NIPBL: variants seen among roughly 807,000 people sequenced by gnomAD.
The protein encoded by NIPBL is nipped-B-like protein.
A neutral mutation model predicts 321.8 loss-of-function variants in NIPBL; 19 were observed. That is an observed-to-expected ratio of 0.06 (90% CI 0.04 to 0.09). The LOEUF (loss-of-function observed/expected upper bound fraction) is 0.09. Ranked by LOEUF, NIPBL falls within the 10% of genes least tolerant of loss-of-function variation. NIPBL has a pLI of 1.00. For synonymous variants in NIPBL, 1,106 were observed against 1,114.1 expected (o/e 0.99, Z 0.14); for missense variants, 2,210 against 3,327.0 (o/e 0.66, Z 8.26).
intron 32 of NIPBL, among the ~76,000 whole-genome samples, chr5:37,031,404 A>G (rs182086823): frequency 2.1e-3 from 314 of 152,136 alleles, no homozygotes; most frequent in Non-Finnish European, 1.8e-3. Flanking sequence ...AGGTCCTCAC[A>G]TTTTTTTTAT....
chr5:36,977,398 C>T (rs1040992242), intron 9 of NIPBL, among the ~76,000 whole-genome samples: 1 of 151,692 alleles, frequency 6.6e-6, no homozygotes, highest in African/African-American at 2.4e-5. Context: ...TGTTTCTATG[C>T]TAAGAAACAT....
chr5:37,061,033 C>T lies in NIPBL; in HGVS notation c.7860+15C>T, dbSNP rs1754606202. 22 of 1,610,936 alleles carry T rather than the reference C, an allele frequency of 1.4e-5. No individual in the cohort carries two copies. Among genetic ancestry groups the T allele is most frequent in the Non-Finnish European group, 1.7e-5 (20 of 1,177,606 alleles). ...AGTATCTAGATGTGAGTAGTAAAACCAAAAGTTTTTACTTCTCATAAGGGC... is the reference window on the plus strand; with the variant it reads ...AGTATCTAGATGTGAGTAGTAAAACTAAAAGTTTTTACTTCTCATAAGGGC... On this transcript the variant is annotated intron_variant, in intron 45 of 46. Coordinates refer to ENST00000282516, the MANE Select transcript of NIPBL (RefSeq NM_133433.4).
In NIPBL at chr5:37,036,363, A is replaced by ATATATATATATATATATG. The variant is rs1554029663; in HGVS notation, c.5863-11_5863-10insATATATATATATGTATAT. On this transcript the variant is annotated splice_polypyrimidine_tract_variant and intron_variant, in intron 32 of 46. Transcript: ENST00000282516. Reference sequence around the variant, plus strand: ...TATATATATGTATATATATATATATATATATGTATATATAGTTGTTGAAGT... The same window carrying ATATATATATATATATATG: ...TATATATATGTATATATATATATATATATATATATATATATATGTATATGTATATATAGTTGTTGAAGT... 1.0e-5 allele frequency: 6 copies of ATATATATATATATATATG among 575,898 alleles called. No individual in the cohort carries two copies. In the African/African-American group the frequency reaches 1.2e-4, roughly 12 times the overall value. The allele number at this position is 575,898 out of a possible 1,614,324, so 35.7% of individuals were successfully genotyped here.
intron 32 of NIPBL, among the ~76,000 whole-genome samples, chr5:37,030,822 A>G (rs1354702365): frequency 6.7e-6 from 1 of 148,456 alleles, no homozygotes; most frequent in African/African-American, 2.5e-5. Flanking sequence ...TGGCACCATC[A>G]TGGCCCACTG....
At chr5:37,033,705 C>T (rs55755202) in intron 32 of NIPBL, among the ~76,000 whole-genome samples, 10 of 80,242 alleles carry the variant, frequency 1.2e-4, no homozygotes, top group East Asian at 3.7e-4. Context: ...CACACACACA[C>T]ATATATATAT....
intron 1 of NIPBL, among the ~76,000 whole-genome samples, chr5:36,936,515 C>G (rs1329857485): frequency 1.3e-5 from 2 of 152,056 alleles, no homozygotes; most frequent in Non-Finnish European, 2.9e-5. Context: ...TAGGTACATT[C>G]TGTTATATTT....
At chr5:37,027,693 A>T in intron 32 of NIPBL, among the ~76,000 whole-genome samples, 1 of 129,200 alleles carries the variant, frequency 7.7e-6, no homozygotes, top group African/African-American at 3.0e-5. Context: ...ATCTTGGTTC[A>T]CTTCAACCTC....
intron 6 of NIPBL, among the ~76,000 whole-genome samples, chr5:36,967,534 T>G (rs904362209): frequency 1.4e-4 from 22 of 152,110 alleles, no homozygotes; most frequent in Admixed American, 2.6e-4. Context: ...TTTTATAAAG[T>G]TAAATTACAA....
In NIPBL at chr5:36,975,899, T is replaced by C. The variant is rs577606629; in HGVS notation, c.992T>C (p.Leu331Ser). The C allele has an allele frequency of 3.7e-6, 6 of 1,611,958 alleles. No individual in the cohort carries two copies. In the South Asian group the frequency reaches 6.6e-5, roughly 18 times the overall value. Residue 331 changes from leucine (L) to serine (S), a missense_variant, in exon 9 of 47, where the codon TTA (leucine) becomes TCA (serine). Physicochemically the swap from Leu to Ser is moderately radical, Grantham distance 145. Coordinates refer to ENST00000282516, the MANE Select transcript of NIPBL (RefSeq NM_133433.4). ...RKQKKQKKMKLGKDEKEQSEK... is the reference protein window; with the variant it reads ...RKQKKQKKMKSGKDEKEQSEK... Reference sequence around the variant, plus strand: ...CAAAAGAAGCAGAAGAAAATGAAATTAGGCAAGGATGAAAAAGAGCAGAGT... The same window carrying C: ...CAAAAGAAGCAGAAGAAAATGAAATCAGGCAAGGATGAAAAAGAGCAGAGT...
intron 1 of NIPBL, among the ~76,000 whole-genome samples, chr5:36,879,253 G>C (rs1278183473): frequency 2.6e-5 from 4 of 152,154 alleles, no homozygotes; most frequent in Non-Finnish European, 5.9e-5. Flanking sequence ...GCAGATGTTT[G>C]AATAAGTGTG....
At chr5:37,010,894 A>G (rs903382713) in intron 21 of NIPBL, among the ~76,000 whole-genome samples, 4 of 152,212 alleles carry the variant, frequency 2.6e-5, no homozygotes, top group Non-Finnish European at 5.9e-5. Flanking sequence ...CCAAAAATCT[A>G]AAATCGGAAA....
chr5:36,877,898 C>G (rs886652078), intron 1 of NIPBL, among the ~76,000 whole-genome samples: 2 of 152,144 alleles, frequency 1.3e-5, no homozygotes, highest in African/African-American at 2.4e-5. Context: ...GAGCTTTTAT[C>G]TTGTTGTTTT....
At chr5:37,017,736 G>A (rs1359022107) in intron 24 of NIPBL, among the ~76,000 whole-genome samples, 2 of 150,600 alleles carry the variant, frequency 1.3e-5, no homozygotes, top group Non-Finnish European at 3.0e-5. Flanking sequence ...TTTTATGCTC[G>A]TAATCATATC....
intron 1 of NIPBL, among the ~76,000 whole-genome samples, chr5:36,888,373 T>A (rs748954193): frequency 5.3e-5 from 8 of 152,164 alleles, no homozygotes; most frequent in Non-Finnish European, 1.2e-4. Context: ...TTTTATCTTT[T>A]CATTCTTGCT....
intron 32 of NIPBL, among the ~76,000 whole-genome samples, chr5:37,032,432 T>A (rs1389113512): frequency 8.6e-5 from 12 of 138,808 alleles, no homozygotes; most frequent in African/African-American, 1.1e-4. Context: ...TGTGTGTGTG[T>A]GTGTGTAGTG....
intron 9 of NIPBL, 76 bp downstream of exon 9, chr5:36,976,478 T>A: frequency 6.9e-7 from 1 of 1,448,350 alleles, no homozygotes; most frequent in East Asian, 2.3e-5. Flanking sequence ...TTTTTCACAT[T>A]ACTTTTTTCC....
At chr5:36,923,177 G>A (rs879638302) in intron 1 of NIPBL, among the ~76,000 whole-genome samples, 75 of 152,114 alleles carry the variant, frequency 4.9e-4, no homozygotes, top group Non-Finnish European at 9.7e-4. Flanking sequence ...GTGGTGGCGT[G>A]CACCTGTAGT....
In NIPBL at chr5:36,876,959, T is replaced by C. The variant is rs577250117; in HGVS notation, c.-299T>C. 6 of 386,952 alleles carry C rather than the reference T, an allele frequency of 1.6e-5. No individual in the cohort carries two copies. In the Admixed American group the frequency reaches 2.2e-4, roughly 14 times the overall value. 24.0% of individuals were successfully genotyped at this position (386,952 alleles called of 1,614,324 possible). The stretch of plus-strand genomic sequence containing the variant: ...ATGCCCCCCCGGTAGCTCGGGCCCG[T>C]GGTCGGGTGTTTGTGAGTGTTTCTA... On this transcript the variant is annotated 5_prime_UTR_variant, in exon 1 of 47. Transcript: ENST00000282516.
At chr5:36,928,833 G>C (rs1041534327) in intron 1 of NIPBL, among the ~76,000 whole-genome samples, 2 of 152,058 alleles carry the variant, frequency 1.3e-5, no homozygotes, top group African/African-American at 4.8e-5. Context: ...ATGACATAAC[G>C]TATCAGTATT....
Sources: allele counts gnomAD v4.1 joint callset (sites outside exome capture counted in the v4.1 genomes callset), GRCh38; gene constraint gnomAD v4.1.1; transcripts MANE v1.5; gene names NCBI Gene and HGNC (gene_info 2026-07-23, HGNC 2026-07-21).